The following PCDH7 variants were observed in gnomAD, a reference collection of about 807,000 sequenced individuals.
PCDH7 encodes protocadherin-7.
Under a neutral mutation model 58.9 loss-of-function variants are expected in PCDH7, and 17 were observed. The ratio of observed to expected loss-of-function variants is 0.29; its 90% CI spans 0.20 to 0.43. The LOEUF is 0.43. Among genes scored for constraint, PCDH7 ranks in the 20% least tolerant of loss-of-function variants. The probability of loss-of-function intolerance (pLI) is 1.00; values close to 1 mark genes in which losing one functional copy is unlikely to be tolerated. For missense variants in PCDH7, 1,274 were observed against 1,441.0 expected, an observed-to-expected ratio of 0.88 and a Z score of 1.88; for synonymous variants, 664 against 616.4, an observed-to-expected ratio of 1.08 and a Z score of -1.14.
intron 1 of PCDH7, among the ~76,000 whole-genome samples, chr4:30,827,328 T>A (rs1328602531): frequency 6.6e-6 from 1 of 152,186 alleles, no homozygotes; most frequent in Admixed American, 6.6e-5. Flanking sequence ...TAAGGAATTT[T>A]TTTTCCAGAA....
intron 2 of PCDH7, among the ~76,000 whole-genome samples, chr4:30,930,795 C>T (rs574236985): frequency 6.6e-6 from 1 of 151,830 alleles, no homozygotes; most frequent in East Asian, 1.9e-4. Flanking sequence ...AAAAATTTGC[C>T]AGATGTGGTG....
chr4:31,010,851 C>G (rs1393770966), intron 3 of PCDH7, among the ~76,000 whole-genome samples: 1 of 151,866 alleles, frequency 6.6e-6, no homozygotes, highest in Non-Finnish European at 1.5e-5. Context: ...CATTTTTTCT[C>G]AGTCATATTT....
At chr4:31,077,418 A>G (rs1051629292) in intron 3 of PCDH7, among the ~76,000 whole-genome samples, 1 of 148,620 alleles carries the variant, frequency 6.7e-6, no homozygotes, top group East Asian at 2.4e-4. Context: ...TCAAAAAAAA[A>G]AAAAAAGAAA....
At chr4:30,845,599 C>A (rs1299285763) in intron 1 of PCDH7, among the ~76,000 whole-genome samples, 2 of 152,014 alleles carry the variant, frequency 1.3e-5, no homozygotes, top group Non-Finnish European at 2.9e-5. Context: ...ACTGTGTATT[C>A]TCTCTTTGTC....
intron 3 of PCDH7, among the ~76,000 whole-genome samples, chr4:31,131,571 C>T (rs1384367701): frequency 6.6e-6 from 1 of 152,002 alleles, no homozygotes; most frequent in Non-Finnish European, 1.5e-5. Flanking sequence ...GATCTTCATC[C>T]CTTAACAGTA....
At chr4:30,724,340 ACAGCCCAAG>A in exon 1 of PCDH7, 1 of 1,614,146 alleles carries the variant, frequency 6.2e-7, no homozygotes, top group Non-Finnish European at 8.5e-7. Context: ...AAGCTGTCAG[ACAGCCCAAG>A]CATGGGGCGA....
At chr4:30,773,739 G>T (rs1048367641) in intron 1 of PCDH7, among the ~76,000 whole-genome samples, 3 of 152,084 alleles carry the variant, frequency 2.0e-5, no homozygotes, top group African/African-American at 7.2e-5. Flanking sequence ...TTCAGGTGGG[G>T]AGAAAGTTGA....
At chr4:30,871,800 T>C (rs1735630817) in intron 1 of PCDH7, among the ~76,000 whole-genome samples, 1 of 152,072 alleles carries the variant, frequency 6.6e-6, no homozygotes, top group Non-Finnish European at 1.5e-5. Flanking sequence ...CCATGGTCAC[T>C]CTGAGACTCT....
intron 1 of PCDH7, among the ~76,000 whole-genome samples, chr4:30,775,521 G>A (rs1156234232): frequency 2.6e-5 from 4 of 152,116 alleles, no homozygotes; most frequent in Non-Finnish European, 5.9e-5. Context: ...GCTTAAGAAT[G>A]ACAAATTTTG....
chr4:30,826,386 CAT>C (rs1335004177), intron 1 of PCDH7, among the ~76,000 whole-genome samples: 2 of 151,998 alleles, frequency 1.3e-5, no homozygotes, highest in African/African-American at 2.4e-5. Context: ...TGGGAGTAAA[CAT>C]ATGCTTTTAA....
Position 30,854,405 on chromosome 4 carries a change from A to C in PCDH7, c.71-65748A>C, listed in dbSNP as rs572690818. ...AATTTAGGGAACTGGGTTACTACTC[A>C]CTAGGCTTACCAGTCCCTAACTGTG... is the stretch of plus-strand genomic sequence containing the variant. On this transcript the variant is annotated intron_variant, in intron 1 of 3. Coordinates refer to the PCDH7 transcript ENST00000509759. Among the ~76,000 whole-genome samples the C allele has an allele frequency of 1.3e-4, 20 of 151,320 alleles. No individual in the cohort carries two copies. The East Asian group carries it at 3.7e-3, about 28-fold the overall frequency.
chr4:30,827,191 A>T (rs1729202844), intron 1 of PCDH7, among the ~76,000 whole-genome samples: 1 of 152,210 alleles, frequency 6.6e-6, no homozygotes, highest in Admixed American at 6.5e-5. Context: ...AGCAATTTAC[A>T]AACTTACTAT....
intron 3 of PCDH7, among the ~76,000 whole-genome samples, chr4:31,079,307 A>AAGAT (rs1474060447): frequency 6.5e-5 from 6 of 92,174 alleles, no homozygotes; most frequent in East Asian, 2.9e-4. Flanking sequence ...ACAATACTGG[A>AAGAT]AGATATATAT....
chr4:30,850,611 A>T (rs980608717), intron 1 of PCDH7, among the ~76,000 whole-genome samples: 3 of 152,044 alleles, frequency 2.0e-5, no homozygotes, highest in Non-Finnish European at 4.4e-5. Flanking sequence ...GTATGTGCCC[A>T]TGCTTCACAG....
intron 1 of PCDH7, among the ~76,000 whole-genome samples, chr4:30,769,114 C>A (rs1279043166): frequency 6.6e-6 from 1 of 152,186 alleles, no homozygotes; most frequent in African/African-American, 2.4e-5. Flanking sequence ...TGATAAGTTT[C>A]TCCAACATAG....
intron 1 of PCDH7, among the ~76,000 whole-genome samples, chr4:30,911,385 T>G (rs1298408878): frequency 7.0e-6 from 1 of 143,468 alleles, no homozygotes; most frequent in Non-Finnish European, 1.5e-5. Flanking sequence ...AGATGTTCTA[T>G]GGCTGTTTTT....
rs139976731 is a variant in PCDH7, at chr4:30,879,636, T to C, written c.71-40517T>C. 2.1e-4 allele frequency among the ~76,000 whole-genome samples: 32 copies of C among 152,222 alleles called. No homozygotes were observed. In the East Asian group the frequency reaches 4.1e-3, roughly 19 times the overall value. ...GCTTCCTCACAGGGACCCTGACCAC[T>C]GAACAATAAAGCAATTATCGCCATG... On this transcript the variant is annotated intron_variant, in intron 1 of 3. Coordinates refer to the PCDH7 transcript ENST00000509759.
chr4:30,803,585 A>G (rs535982574), intron 1 of PCDH7, among the ~76,000 whole-genome samples: 1 of 152,218 alleles, frequency 6.6e-6, no homozygotes, highest in East Asian at 1.9e-4. Flanking sequence ...CTACAGGTGC[A>G]TATCCCTATG....
At chr4:30,881,285 G>A (rs1383441396) in intron 1 of PCDH7, among the ~76,000 whole-genome samples, 1 of 151,930 alleles carries the variant, frequency 6.6e-6, no homozygotes, top group Non-Finnish European at 1.5e-5. Flanking sequence ...CCAGGAGGCT[G>A]CAGTGAGCTG....
Sources: gnomAD v4.1 joint callset for allele counts (sites outside exome capture counted in the v4.1 genomes callset) on GRCh38, gnomAD v4.1.1 for gene constraint, MANE v1.5 for transcripts, NCBI Gene and HGNC (gene_info 2026-07-23, HGNC 2026-07-21) for gene names.